The following OPTN variants were observed in gnomAD, a reference collection of about 807,000 sequenced individuals.
OPTN encodes E3-14.7K-interacting protein.
Under a neutral mutation model 70.4 loss-of-function variants are expected in OPTN, and 54 were observed. That is an observed-to-expected ratio of 0.77 (90% CI 0.62 to 0.96). OPTN has a LOEUF of 0.96. Among genes scored for constraint, OPTN ranks in the 40% least tolerant of loss-of-function variants. The pLI is 0.00. For synonymous variants in OPTN, 256 were observed against 248.5 expected (o/e 1.03, Z -0.28); for missense variants, 624 against 673.2 (o/e 0.93, Z 0.81).
rs1385424772 is a variant in OPTN, at chr10:13,112,711, T to C, written c.552+76T>C. ...GGAAAGATGAAACAAATACCACTTT[T>C]TCTTGTCAACACAAGCCAAGGATTG... On this transcript the variant is annotated intron_variant, in intron 5 of 14. Transcript: ENST00000378747. The C allele has an allele frequency of 2.1e-6, 3 of 1,419,368 alleles. No homozygotes were observed. The East Asian group carries it at 6.8e-5, about 32-fold the overall frequency. 87.9% of individuals were successfully genotyped at this position (1,419,368 alleles called of 1,614,324 possible).
rs1304600587 is a variant in OPTN at position 13,137,864 on chromosome 10, T to C, written c.*998T>C. 8.8e-6 allele frequency: 2 copies of C among 226,438 alleles called. No individual in the cohort carries two copies. The highest frequency in any genetic ancestry group is 1.8e-5 in the Non-Finnish European group (2 of 113,948). 14.0% of individuals were successfully genotyped at this position (226,438 alleles called of 1,614,324 possible). A position where few individuals can be genotyped will look rare whatever the true frequency, so the allele number is the denominator to read the frequency against. On this transcript the variant is annotated 3_prime_UTR_variant, in exon 15 of 15. Coordinates refer to ENST00000378747, the MANE Select transcript of OPTN (RefSeq NM_001008212.2). ...CATTGTACCTGCAGGCCTGTGGGCT[T>C]GTACAGTAGATAATTAATTTCTAAA...
chr10:13,106,967 C>T (rs1832878704), intron 1 of OPTN, among the ~76,000 whole-genome samples: 1 of 152,150 alleles, frequency 6.6e-6, no homozygotes, highest in Non-Finnish European at 1.5e-5. Flanking sequence ...ATGGGATGCT[C>T]GCTTCCAAGT....
At chr10:13,110,926 G>A (rs909880727) in intron 4 of OPTN, among the ~76,000 whole-genome samples, 5 of 152,170 alleles carry the variant, frequency 3.3e-5, no homozygotes, top group African/African-American at 4.8e-5. Flanking sequence ...TTTTAAAAAT[G>A]CTTTGGAAAA....
chr10:13,134,628 A>G (rs1009747230), intron 14 of OPTN, among the ~76,000 whole-genome samples: 1 of 151,830 alleles, frequency 6.6e-6, no homozygotes, highest in Non-Finnish European at 1.5e-5. Flanking sequence ...GGGTTTCACC[A>G]TGTTGGCCAG....
At chr10:13,130,986 C>A (rs146334646) in intron 12 of OPTN, among the ~76,000 whole-genome samples, 1 of 152,094 alleles carries the variant, frequency 6.6e-6, no homozygotes, top group African/African-American at 2.4e-5. Context: ...GTCGCATGAT[C>A]GTGGTTCACT....
rs189262336 is a variant in OPTN at position 13,125,595 on chromosome 10, G to C, written c.1148+28G>C. The C allele has an allele frequency of 1.6e-4, 256 of 1,613,660 alleles. No individual in the cohort carries two copies. The East Asian group carries it at 5.6e-3, about 35-fold the overall frequency. On this transcript the variant is annotated intron_variant, in intron 10 of 14. Coordinates refer to ENST00000378747, the MANE Select transcript of OPTN (RefSeq NM_001008212.2). The stretch of plus-strand genomic sequence containing the variant: ...GAGTATGTTGAGTCAGAAGGGCAGC[G>C]ACGGGGCAGAGGAGGGAGAATCGCC...
At chr10:13,104,136 C>T (rs1225791909) in intron 1 of OPTN, among the ~76,000 whole-genome samples, 1 of 151,978 alleles carries the variant, frequency 6.6e-6, no homozygotes, top group African/African-American at 2.4e-5. Flanking sequence ...GGCATTCCAC[C>T]GACAGATATT....
intron 1 of OPTN, among the ~76,000 whole-genome samples, chr10:13,107,519 C>T (rs1406633688): frequency 1.3e-5 from 2 of 149,638 alleles, no homozygotes; most frequent in African/African-American, 4.9e-5. Flanking sequence ...GCTGGGACTA[C>T]AGGCACCTGC....
At chr10:13,114,995 TTA>T (rs372406864) in intron 5 of OPTN, among the ~76,000 whole-genome samples, 1 of 4,080 alleles carries the variant, frequency 2.5e-4, no homozygotes, top group Non-Finnish European at 5.8e-4. Flanking sequence ...ATATCTATAT[TTA>T]TATATATTTA....
At chr10:13,105,231 A>C (rs1313605308) in intron 1 of OPTN, among the ~76,000 whole-genome samples, 1 of 152,224 alleles carries the variant, frequency 6.6e-6, no homozygotes, top group Non-Finnish European at 1.5e-5. Flanking sequence ...ACAATATCAC[A>C]GAATTTGCTG....
chr10:13,124,924 T>G (rs1227539338), intron 9 of OPTN, among the ~76,000 whole-genome samples: 3 of 152,256 alleles, frequency 2.0e-5, no homozygotes, highest in Non-Finnish European at 4.4e-5. Flanking sequence ...ATTAATGCTT[T>G]GTGCATAGCT....
At chr10:13,123,558 A>C (rs1211110888) in intron 8 of OPTN, among the ~76,000 whole-genome samples, 1 of 152,194 alleles carries the variant, frequency 6.6e-6, no homozygotes, top group Non-Finnish European at 1.5e-5. Flanking sequence ...TCATTTACAA[A>C]AATTATAGAG....
chr10:13,105,257 T>G (rs1394433626), intron 1 of OPTN, among the ~76,000 whole-genome samples: 1 of 152,228 alleles, frequency 6.6e-6, no homozygotes. Flanking sequence ...AGGACAGTTA[T>G]AGCTATTCAT....
chr10:13,112,786 A>C (rs1833037401), intron 5 of OPTN, 151 bp downstream of exon 5: 2 of 719,176 alleles, frequency 2.8e-6, no homozygotes, highest in Non-Finnish European at 4.7e-6. Flanking sequence ...TTCTAAGTAT[A>C]GCATAATGCA....
intron 8 of OPTN, among the ~76,000 whole-genome samples, 186 bp from the exon 9 acceptor site, chr10:13,123,809 A>T (rs1467752356): frequency 6.6e-6 from 1 of 152,236 alleles, no homozygotes; most frequent in Non-Finnish European, 1.5e-5. Flanking sequence ...AAAACTTAGC[A>T]AACCTAAGTA....
At chr10:13,125,897 T>A (rs779097118) in intron 10 of OPTN, 49 bp from the exon 11 acceptor site, 2 of 1,357,298 alleles carry the variant, frequency 1.5e-6, no homozygotes, top group South Asian at 1.2e-5. Context: ...ACTATAAGTT[T>A]CTATGATATT....
intron 7 of OPTN, 102 bp downstream of exon 7, chr10:13,119,142 G>A (rs1029055194): frequency 1.8e-6 from 2 of 1,130,996 alleles, no homozygotes; most frequent in Non-Finnish European, 2.6e-6. Context: ...ATACATTTCA[G>A]TGTTTTTTAG....
At position 13,115,105 on chromosome 10, in the gene OPTN, T is replaced by A. The variant is rs1588439298; in HGVS notation, c.553-1162T>A. Among the ~76,000 whole-genome samples, 4 of 90,370 alleles carry A rather than the reference T, an allele frequency of 4.4e-5. No individual in the cohort carries two copies. In the South Asian group the frequency reaches 1.7e-3, roughly 38 times the overall value. 59.3% of individuals were successfully genotyped at this position (90,370 alleles called of 152,430 possible). ...TAGATATATCTATTTTATATATTTT[T>A]ATATATATTATATATATATATAAAT... On this transcript the variant is annotated intron_variant, in intron 5 of 14. Coordinates refer to ENST00000378747, the MANE Select transcript of OPTN (RefSeq NM_001008212.2).
At chr10:13,119,981 C>CTTTTTTTTTTTT (rs35284693) in intron 7 of OPTN, among the ~76,000 whole-genome samples, 2 of 117,648 alleles carry the variant, frequency 1.7e-5, no homozygotes, top group African/African-American at 3.1e-5. Context: ...TATTTTCTTT[C>CTTTTTTTTTTTT]TTTTTTTTTT....
Sources: gnomAD v4.1 joint callset for allele counts (sites outside exome capture counted in the v4.1 genomes callset) on GRCh38, gnomAD v4.1.1 for gene constraint, MANE v1.5 for transcripts, NCBI Gene and HGNC (gene_info 2026-07-23, HGNC 2026-07-21) for gene names.